WWOX: variants seen among roughly 807,000 people sequenced by gnomAD.
WWOX encodes WW domain-containing oxidoreductase.
In WWOX, 69 loss-of-function variants were observed where a neutral mutation model predicts 46.2. The observed-to-expected ratio is 1.49, with a 90% CI of 1.23 to 1.82. The LOEUF is 1.82. Ranked by LOEUF, WWOX falls within the 40% of genes most tolerant of loss-of-function variation. The probability of loss-of-function intolerance (pLI) is 0.00; values close to 1 mark genes in which losing one functional copy is unlikely to be tolerated. For missense variants in WWOX, 919 were observed against 542.6 expected (o/e 1.69, Z -6.89); for synonymous variants, 359 against 202.6 (o/e 1.77, Z -6.56).
intron 8 of WWOX, among the ~76,000 whole-genome samples, chr16:79,080,756 C>T (rs887476507): frequency 6.6e-6 from 1 of 152,124 alleles, no homozygotes; most frequent in African/African-American, 2.4e-5. Flanking sequence ...CGCTTGAAGC[C>T]AGGAGTTTGA....
At chr16:78,503,318 G>A in intron 8 of WWOX, among the ~76,000 whole-genome samples, 1 of 152,116 alleles carries the variant, frequency 6.6e-6, no homozygotes. Context: ...AGACCCTCAG[G>A]TCTACCTATA....
intron 8 of WWOX, among the ~76,000 whole-genome samples, chr16:78,788,606 C>G (rs2050515452): frequency 6.6e-6 from 1 of 152,230 alleles, no homozygotes; most frequent in African/African-American, 2.4e-5. Context: ...GCCCCTACCC[C>G]ATACCTCGCC....
chr16:78,865,606 AGT>A (rs1221380382), intron 8 of WWOX, among the ~76,000 whole-genome samples: 23 of 152,134 alleles, frequency 1.5e-4, no homozygotes, highest in Admixed American at 1.4e-3. Flanking sequence ...GGCCAGGTGC[AGT>A]GTGGCTCAAG....
At chr16:78,433,952 GC>G (rs1371992238) in intron 8 of WWOX, among the ~76,000 whole-genome samples, 1 of 151,706 alleles carries the variant, frequency 6.6e-6, no homozygotes, top group African/African-American at 2.4e-5. Context: ...ACTATGCCCG[GC>G]TAATTTTTTG....
intron 8 of WWOX, among the ~76,000 whole-genome samples, chr16:78,617,484 A>G (rs1465934899): frequency 6.6e-6 from 1 of 152,078 alleles, no homozygotes; most frequent in Non-Finnish European, 1.5e-5. Context: ...TTCATTCACA[A>G]TGCTCAGTGC....
intron 8 of WWOX, chr16:79,077,966 G>C (rs12924981): frequency 0.38 from 58,389 of 151,764 alleles, 13,009 homozygotes; most frequent in Middle Eastern, 0.5. Context: ...AGGAAACTCT[G>C]TTCCTACCTG....
At chr16:79,055,988 G>C (rs9922793) in intron 8 of WWOX, among the ~76,000 whole-genome samples, 11,908 of 152,066 alleles carry the variant, frequency 0.078, 947 homozygotes, top group African/African-American at 0.21. Flanking sequence ...TCTCTGATCT[G>C]TTGCCTAATC....
chr16:78,881,053 AG>A (rs1279169750), intron 8 of WWOX, among the ~76,000 whole-genome samples: 1 of 143,050 alleles, frequency 7.0e-6, no homozygotes, highest in East Asian at 2.1e-4. Context: ...GTGTGGTGGC[AG>A]GATCACGGCT....
At chr16:78,749,049 A>G (rs1401082205) in intron 8 of WWOX, among the ~76,000 whole-genome samples, 4 of 152,198 alleles carry the variant, frequency 2.6e-5, no homozygotes. Context: ...GTATTCTAAA[A>G]TTATCAATTG....
chr16:78,864,258 T>C (rs961405097), intron 8 of WWOX, among the ~76,000 whole-genome samples: 1 of 151,134 alleles, frequency 6.6e-6, no homozygotes, highest in Non-Finnish European at 1.5e-5. Context: ...GGAGCCCTTT[T>C]TTACTTTACA....
intron 8 of WWOX, among the ~76,000 whole-genome samples, chr16:78,888,800 A>T (rs114577549): frequency 0.01 from 1,407 of 140,372 alleles, 23 homozygotes; most frequent in African/African-American, 0.033. Context: ...CAGTTCTAAG[A>T]GGATATTGAT....
intron 8 of WWOX, among the ~76,000 whole-genome samples, chr16:78,732,962 T>A (rs928811491): frequency 2.0e-5 from 3 of 152,212 alleles, no homozygotes; most frequent in African/African-American, 7.2e-5. Context: ...CTCGAGTGGA[T>A]GGCTCTTTAT....
At chr16:78,773,047 C>A (rs1425439610) in intron 8 of WWOX, among the ~76,000 whole-genome samples, 3 of 151,974 alleles carry the variant, frequency 2.0e-5, no homozygotes, top group Non-Finnish European at 2.9e-5. Context: ...GCAAAACAAA[C>A]AAACAAAAGA....
intron 8 of WWOX, among the ~76,000 whole-genome samples, chr16:78,687,830 T>A (rs1429456303): frequency 6.6e-6 from 1 of 152,228 alleles, no homozygotes; most frequent in African/African-American, 2.4e-5. Flanking sequence ...CCTGAAGCTC[T>A]CAAGTAGGCG....
At chr16:78,112,728 T>C (rs1419658915) in intron 3 of WWOX, among the ~76,000 whole-genome samples, 1 of 151,478 alleles carries the variant, frequency 6.6e-6, no homozygotes. Flanking sequence ...TACTGGGTCT[T>C]GCTCTTCTTA....
intron 8 of WWOX, among the ~76,000 whole-genome samples, chr16:78,783,645 T>C (rs1002811904): frequency 6.6e-6 from 1 of 152,188 alleles, no homozygotes; most frequent in Non-Finnish European, 1.5e-5. Context: ...GCATACCCCA[T>C]ATCTTTTACA....
In WWOX at chr16:78,386,918, A is replaced by G. The variant is rs764098667; in HGVS notation, c.575A>G (p.His192Arg). 2 of 1,614,138 alleles carry G rather than the reference A, an allele frequency of 1.2e-6. No homozygotes were observed. Among genetic ancestry groups the G allele is most frequent in the South Asian group, 1.1e-5 (1 of 91,078 alleles). Residue 192 changes from histidine to arginine, a missense_variant, in exon 6 of 9, where the codon CAT becomes CGT. By Grantham distance (29) the His-to-Arg change is conservative. Transcript: ENST00000566780. ...LDLALLRSVQ[H>R]FAEAFKAKNV... ...CTCGCTCTGCTCCGTAGCGTGCAGC[A>G]TTTTGCTGAAGCATTCAAGGCCAAG...
Position 79,197,982 on chromosome 16 carries a change from A to G in WWOX, c.1057-13626A>G, listed in dbSNP as rs541194529. 8.5e-5 allele frequency among the ~76,000 whole-genome samples: 13 copies of G among 152,318 alleles called. No individual in the cohort carries two copies. The South Asian group carries it at 2.5e-3, about 29-fold the overall frequency. On this transcript the variant is annotated intron_variant, in intron 8 of 8. Coordinates refer to ENST00000566780, the MANE Select transcript of WWOX (RefSeq NM_016373.4). ...TTATAAATCTTCCCTTATGTGTACA[A>G]CAGTTTAAATCAATTGGTCATCTAC... is the stretch of plus-strand genomic sequence containing the variant.
intron 8 of WWOX, among the ~76,000 whole-genome samples, chr16:78,588,929 C>T (rs1475652378): frequency 1.3e-5 from 2 of 152,100 alleles, no homozygotes; most frequent in East Asian, 3.9e-4. Context: ...AGTGGCAGTT[C>T]CCTCCTTTGT....
Sources: gnomAD v4.1 joint callset for allele counts (sites outside exome capture counted in the v4.1 genomes callset) on GRCh38, gnomAD v4.1.1 for gene constraint, MANE v1.5 for transcripts, NCBI Gene and HGNC (gene_info 2026-07-23, HGNC 2026-07-21) for gene names.